ZNF469: variants seen among roughly 807,000 people sequenced by gnomAD.
ZNF469 encodes the protein zinc finger protein 469.
A neutral mutation model predicts 1.0 loss-of-function variants in ZNF469; 1 was observed. The observed-to-expected ratio is 1.00, with a 90% CI of 0.35 to 4.73. ZNF469 has a LOEUF of 4.73. ZNF469 is among the 30% of genes most tolerant of loss of function. The probability of loss-of-function intolerance (pLI) is 0.16; values close to 1 mark genes in which losing one functional copy is unlikely to be tolerated. For missense variants in ZNF469, 6,100 were observed against 5,356.3 expected (o/e 1.14, Z -4.33); for synonymous variants, 2,703 against 2,363.4 (o/e 1.14, Z -4.17).
At chr16:88,259,561 T>C in the ZNF469 span, among the ~76,000 whole-genome samples, 6,742 of 152,272 alleles carry the variant, frequency 0.044, 517 homozygotes, top group African/African-American at 0.15. The surrounding 1 kb of genome is among the most constrained non-coding windows in gnomAD (Gnocchi z 4.1). Context: ...GCTGGGGGCC[T>C]GTCCAGCCTC....
chr16:88,373,237 C>T, the ZNF469 span, among the ~76,000 whole-genome samples: 1 of 152,224 alleles, frequency 6.6e-6, no homozygotes, highest in Non-Finnish European at 1.5e-5. Context: ...ACTGACAGGG[C>T]TCCTCCTGCA....
chr16:88,313,069 G>C, the ZNF469 span, among the ~76,000 whole-genome samples: 2 of 152,174 alleles, frequency 1.3e-5, no homozygotes, highest in South Asian at 4.1e-4. Flanking sequence ...TCAGGGTCAC[G>C]GTCAGGGTCA....
chr16:88,136,827 G>C, the ZNF469 span, among the ~76,000 whole-genome samples: 1 of 152,352 alleles, frequency 6.6e-6, no homozygotes, highest in East Asian at 1.9e-4. Flanking sequence ...GAGAGCTCAG[G>C]TCGGTGCAGT....
At chr16:88,119,271 A>G in the ZNF469 span, among the ~76,000 whole-genome samples, 1 of 152,200 alleles carries the variant, frequency 6.6e-6, no homozygotes, top group Non-Finnish European at 1.5e-5. Context: ...TCACTATTTC[A>G]TGATCTCCTA....
At chr16:88,397,148 G>A (rs1280469505) in intron 1 of ZNF469, among the ~76,000 whole-genome samples, 1 of 152,246 alleles carries the variant, frequency 6.6e-6, no homozygotes, top group African/African-American at 2.4e-5. Context: ...GGCCCCCAGG[G>A]CTGAGGCCTC....
Position 88,435,983 on chromosome 16 carries a change from C to G in ZNF469, c.8513C>G (p.Thr2838Ser). 1.3e-6 allele frequency: 2 copies of G among 1,550,088 alleles called. No individual in the cohort carries two copies. Among genetic ancestry groups the G allele is most frequent in the Middle Eastern group, 1.7e-4 (1 of 5,988 alleles). Residue 2838 changes from threonine to serine, a missense_variant, in exon 3 of 3, where the codon ACT (threonine) becomes AGT (serine). Transcript: ENST00000565624. ...GGAGTCCAGGGGCCTGAAGGCCCCA[C>G]TCCTGATGCCTCTGGCTCCAGTGCC... ...QGGVQGPEGP[T>S]PDASGSSAKD...
the ZNF469 span, among the ~76,000 whole-genome samples, chr16:88,166,040 T>C: frequency 3.3e-5 from 5 of 152,264 alleles, no homozygotes; most frequent in African/African-American, 1.2e-4. The surrounding 1 kb of genome is among the most constrained non-coding windows in gnomAD (Gnocchi z 4.5). Context: ...CAGGGGCCAC[T>C]GAGGCCCACG....
At chr16:88,263,302 A>G in the ZNF469 span, among the ~76,000 whole-genome samples, 2 of 152,190 alleles carry the variant, frequency 1.3e-5, no homozygotes, top group African/African-American at 4.8e-5. Context: ...TGGTGTACTC[A>G]ACAGATGCAT....
At chr16:88,252,293 A>C in the ZNF469 span, among the ~76,000 whole-genome samples, 1 of 149,676 alleles carries the variant, frequency 6.7e-6, no homozygotes, top group Admixed American at 6.8e-5. Flanking sequence ...CTGGGTGTGG[A>C]GTTTCAAGCC....
the ZNF469 span, among the ~76,000 whole-genome samples, chr16:88,137,477 T>C: frequency 3.3e-5 from 5 of 152,238 alleles, no homozygotes; most frequent in African/African-American, 1.2e-4. Flanking sequence ...CATGCATGTA[T>C]ACAATTATGT....
intron 1 of ZNF469, among the ~76,000 whole-genome samples, chr16:88,406,337 A>G (rs1308601310): frequency 6.6e-6 from 1 of 152,242 alleles, no homozygotes; most frequent in East Asian, 1.9e-4. Context: ...GTGTCTCAGG[A>G]TGGCCCTGTG....
the ZNF469 span, among the ~76,000 whole-genome samples, chr16:88,200,556 G>A: frequency 1.8e-4 from 28 of 152,332 alleles, no homozygotes; most frequent in African/African-American, 4.8e-4. Flanking sequence ...CAGAGAAGGC[G>A]CCACGCCATC....
chr16:88,125,633 T>C, the ZNF469 span, among the ~76,000 whole-genome samples: 1 of 152,240 alleles, frequency 6.6e-6, no homozygotes, highest in Non-Finnish European at 1.5e-5. Context: ...TAGTTTTCAC[T>C]ATCAGGTCTA....
rs1334545770 is a variant in ZNF469 at position 88,436,579 on chromosome 16, C to T, written c.9109C>T (p.His3037Tyr). The T allele has an allele frequency of 6.5e-7, 1 of 1,549,410 alleles. No individual in the cohort carries two copies. The highest frequency in any genetic ancestry group is 2.4e-5 in the East Asian group (1 of 40,928). Residue 3037 changes from histidine to tyrosine, a missense_variant, in exon 3 of 3, where the codon CAC becomes TAC. Physicochemically the swap from His to Tyr is moderately conservative, Grantham distance 83 (BLOSUM62 2). Transcript: ENST00000565624. The stretch of plus-strand genomic sequence containing the variant: ...TGACGGTGGGCTTCCCGGGAACACC[C>T]ACCTGCTGCCGCTCCGTGCCACGGA... Reference protein sequence around the residue: ...RCDGGLPGNTHLLPLRATDFE... With the variant: ...RCDGGLPGNTYLLPLRATDFE...
chr16:88,319,023 A>G, the ZNF469 span, among the ~76,000 whole-genome samples: 1 of 152,194 alleles, frequency 6.6e-6, no homozygotes, highest in African/African-American at 2.4e-5. Flanking sequence ...CTTTCCTAGC[A>G]GGTCATTTTG....
At chr16:88,232,327 C>T in the ZNF469 span, among the ~76,000 whole-genome samples, 4 of 152,170 alleles carry the variant, frequency 2.6e-5, no homozygotes, top group African/African-American at 9.7e-5. Flanking sequence ...AAAACCTCCC[C>T]CACCCAATAC....
At chr16:88,366,792 AC>A in the ZNF469 span, among the ~76,000 whole-genome samples, 3 of 151,338 alleles carry the variant, frequency 2.0e-5, no homozygotes, top group African/African-American at 7.3e-5. Context: ...CACCATCATC[AC>A]CAATACCATT....
the ZNF469 span, among the ~76,000 whole-genome samples, chr16:88,233,541 G>T: frequency 6.6e-6 from 1 of 152,250 alleles, no homozygotes; most frequent in Non-Finnish European, 1.5e-5. Flanking sequence ...GGTTTCTGCG[G>T]GAGGGAAGGC....
At chr16:88,159,302 C>A in the ZNF469 span, among the ~76,000 whole-genome samples, 1 of 152,124 alleles carries the variant, frequency 6.6e-6, no homozygotes, top group Non-Finnish European at 1.5e-5. Context: ...TCTCAGGGCA[C>A]TGCAGATTGT....
Sources: allele counts gnomAD v4.1 joint callset (sites outside exome capture counted in the v4.1 genomes callset), GRCh38; gene constraint gnomAD v4.1.1; non-coding constraint Gnocchi (gnomAD v3.1); transcripts MANE v1.5; gene names NCBI Gene and HGNC (gene_info 2026-07-23, HGNC 2026-07-21).